LRMDA: variants seen among roughly 807,000 people sequenced by gnomAD.
LRMDA encodes the protein leucine-rich melanocyte differentiation-associated protein.
In LRMDA, 18 loss-of-function variants were observed where a neutral mutation model predicts 29.8. The observed-to-expected ratio is 0.60, with a 90% CI of 0.42 to 0.90. The LOEUF (loss-of-function observed/expected upper bound fraction) is 0.90. Among genes scored for constraint, LRMDA ranks in the 40% least tolerant of loss-of-function variants. LRMDA has a pLI of 0.00. For missense variants in LRMDA, 273 were observed against 273.9 expected, an observed-to-expected ratio of 1.00 and a Z score of 0.02; for synonymous variants, 125 against 109.4, an observed-to-expected ratio of 1.14 and a Z score of -0.89.
chr10:76,210,276 G>A (rs1441022830), intron 5 of LRMDA, among the ~76,000 whole-genome samples: 3 of 152,180 alleles, frequency 2.0e-5, no homozygotes, highest in African/African-American at 4.8e-5. Flanking sequence ...AGCAGGGGGT[G>A]GAGGTGGGGA....
chr10:76,380,730 C>A (rs1841580591), intron 6 of LRMDA, among the ~76,000 whole-genome samples: 3 of 147,396 alleles, frequency 2.0e-5, no homozygotes, highest in Non-Finnish European at 3.0e-5. Context: ...TTTAAATATC[C>A]AATAAAGTGC....
intron 2 of LRMDA, among the ~76,000 whole-genome samples, chr10:75,972,272 T>C (rs1465126375): frequency 6.6e-6 from 1 of 151,718 alleles, no homozygotes; most frequent in Non-Finnish European, 1.5e-5. Flanking sequence ...ATTTTGGAGT[T>C]TGGGATTTTT....
At chr10:75,519,588 T>G (rs1213769643) in intron 2 of LRMDA, among the ~76,000 whole-genome samples, 1 of 152,204 alleles carries the variant, frequency 6.6e-6, no homozygotes, top group East Asian at 1.9e-4. Context: ...GCACTTGAGA[T>G]GGGTCTCCTG....
At chr10:76,202,155 G>C (rs1218633664) in intron 5 of LRMDA, among the ~76,000 whole-genome samples, 2 of 152,140 alleles carry the variant, frequency 1.3e-5, no homozygotes, top group East Asian at 1.9e-4. Context: ...TAGTTATGTG[G>C]CCAAGCCCAG....
At chr10:76,321,672 C>T (rs576380310) in intron 5 of LRMDA, among the ~76,000 whole-genome samples, 2 of 152,256 alleles carry the variant, frequency 1.3e-5, no homozygotes, top group East Asian at 1.9e-4. Flanking sequence ...GAGCCAGGCG[C>T]GGTGGCTCAT....
In LRMDA at chr10:75,536,049, T is replaced by C. The variant is rs535227232; in HGVS notation, c.131+97555T>C. ...AAAGCCACCTCCTTATTGTCTGACC[T>C]GGCTGCTTGTCATTCTGCCTCAGCC... On this transcript the variant is annotated intron_variant, in intron 2 of 6. Coordinates refer to ENST00000611255, the MANE Select transcript of LRMDA (RefSeq NM_001305581.2). Among the ~76,000 whole-genome samples, 3 of 152,314 alleles carry C rather than the reference T, an allele frequency of 2.0e-5. No individual in the cohort carries two copies. In the South Asian group the frequency reaches 6.2e-4, roughly 32 times the overall value.
intron 6 of LRMDA, among the ~76,000 whole-genome samples, chr10:76,448,178 A>G (rs1359744691): frequency 6.6e-6 from 1 of 152,150 alleles, no homozygotes; most frequent in Non-Finnish European, 1.5e-5. Context: ...GTTGTCATCT[A>G]TATTTTGCTT....
intron 2 of LRMDA, among the ~76,000 whole-genome samples, chr10:75,811,144 A>G (rs934528184): frequency 1.6e-4 from 25 of 152,174 alleles, no homozygotes; most frequent in African/African-American, 6.0e-4. Context: ...GGAAATAATG[A>G]TATCTTCCCT....
Position 76,492,777 on chromosome 10 carries a change from C to T in LRMDA, c.602-64432C>T, listed in dbSNP as rs114804222. On this transcript the variant is annotated intron_variant, in intron 6 of 6. Coordinates refer to ENST00000611255, the MANE Select transcript of LRMDA (RefSeq NM_001305581.2). ...CAGAAGGAGAGAGAATGAGTGCTGA[C>T]GAAGAAGGAAGCCCTTTATAAAACC... 5.3e-3 allele frequency among the ~76,000 whole-genome samples: 808 copies of T among 151,980 alleles called. 2 individuals are homozygous for T. The highest frequency in any genetic ancestry group is 0.017 in the African/African-American group (724 of 41,496).
intron 6 of LRMDA, among the ~76,000 whole-genome samples, chr10:76,546,241 A>AT: frequency 6.6e-6 from 1 of 152,220 alleles, no homozygotes; most frequent in South Asian, 2.1e-4. Flanking sequence ...ATTGTTTTCG[A>AT]TTTTTTGGAG....
In LRMDA at chr10:75,560,049, G is replaced by GT. The variant is rs924747621; in HGVS notation, c.131+121561dup. ...TTGGTTCCATATGAACTTTAAAGTA[G>GT]TTTTTTCCAATTCTGTGAAGAAAGT... On this transcript the variant is annotated intron_variant, in intron 2 of 6. Transcript: ENST00000611255. Among the ~76,000 whole-genome samples the GT allele has an allele frequency of 6.1e-3, 921 of 151,486 alleles. 9 individuals are homozygous for GT. The highest frequency in any genetic ancestry group is 0.02 in the African/African-American group (812 of 41,398).
intron 4 of LRMDA, among the ~76,000 whole-genome samples, chr10:76,048,166 T>G (rs1370786008): frequency 6.6e-6 from 1 of 152,194 alleles, no homozygotes; most frequent in East Asian, 1.9e-4. Context: ...TAAAAATAAC[T>G]TAATAAATTT....
intron 2 of LRMDA, among the ~76,000 whole-genome samples, chr10:75,875,490 A>C (rs954244267): frequency 1.3e-5 from 2 of 151,958 alleles, no homozygotes; most frequent in African/African-American, 4.8e-5. Context: ...ATGGAGTGCA[A>C]TGGCATGATC....
intron 2 of LRMDA, among the ~76,000 whole-genome samples, chr10:75,862,211 C>T (rs181768182): frequency 1.3e-5 from 2 of 151,684 alleles, no homozygotes; most frequent in East Asian, 1.9e-4. Flanking sequence ...CACACACACA[C>T]GCACTTAAGT....
At chr10:75,706,855 A>ATCTAC (rs1481632684) in intron 2 of LRMDA, among the ~76,000 whole-genome samples, 1 of 151,526 alleles carries the variant, frequency 6.6e-6, no homozygotes, top group Non-Finnish European at 1.5e-5. Flanking sequence ...CCCTTTGTCT[A>ATCTAC]AAGACATGTA....
chr10:76,012,511 A>T lies in LRMDA; in HGVS notation c.132-23497A>T, dbSNP rs150503739. On this transcript the variant is annotated intron_variant, in intron 2 of 6. Transcript: ENST00000611255. The stretch of plus-strand genomic sequence containing the variant: ...CGAGTCTTTTTTAAACTTTAATAAG[A>T]TGGTTCTTTAATTTTTGGCATTATC... Among the ~76,000 whole-genome samples the T allele has an allele frequency of 1.2e-3, 177 of 152,074 alleles. 1 individual carries two copies. Among genetic ancestry groups the T allele is most frequent in the South Asian group, 1.2e-3 (6 of 4,808 alleles).
intron 2 of LRMDA, among the ~76,000 whole-genome samples, chr10:76,006,134 C>T (rs1056074684): frequency 1.3e-5 from 2 of 152,104 alleles, no homozygotes; most frequent in African/African-American, 4.8e-5. Flanking sequence ...GGTCCAGACC[C>T]TGTCTTCAGA....
intron 6 of LRMDA, among the ~76,000 whole-genome samples, chr10:76,490,399 T>C (rs549828968): frequency 3.0e-4 from 45 of 151,874 alleles, no homozygotes; most frequent in Admixed American, 1.4e-3. Context: ...ATTATTGTAT[T>C]AGGGTCTCTC....
chr10:75,830,995 A>G (rs967674789), intron 2 of LRMDA, among the ~76,000 whole-genome samples: 6 of 152,234 alleles, frequency 3.9e-5, no homozygotes, highest in Admixed American at 2.0e-4. Flanking sequence ...ATTAGCCAAA[A>G]GAAAGGGGCT....
Sources: allele counts gnomAD v4.1 joint callset (sites outside exome capture counted in the v4.1 genomes callset), GRCh38; gene constraint gnomAD v4.1.1; transcripts MANE v1.5; gene names NCBI Gene and HGNC (gene_info 2026-07-23, HGNC 2026-07-21).